Variants in NRF1 observed in about 807,000 individuals in gnomAD.
The protein encoded by NRF1 is nuclear respiratory factor 1, also known as alpha palindromic-binding protein.
NRF1 carries 5 observed loss-of-function variants against 58.5 expected under a neutral mutation model. The ratio of observed to expected loss-of-function variants is 0.09; its 90% CI spans 0.04 to 0.18. The LOEUF (loss-of-function observed/expected upper bound fraction) is 0.18, where lower values mean the gene tolerates loss of function less well. NRF1 is among the 10% of genes least tolerant of loss of function. The pLI is 1.00. For missense variants in NRF1, 288 were observed against 657.7 expected, an observed-to-expected ratio of 0.44 and a Z score of 6.15; for synonymous variants, 224 against 246.7, an observed-to-expected ratio of 0.91 and a Z score of 0.86.
chr7:129,619,117 C>T (rs1800715371), intron 1 of NRF1, among the ~76,000 whole-genome samples: 1 of 151,786 alleles, frequency 6.6e-6, no homozygotes, highest in Non-Finnish European at 1.5e-5. Context: ...GCATCTACAT[C>T]TGAGGGTCAA....
At chr7:129,625,052 T>G (rs1241441986) in intron 1 of NRF1, among the ~76,000 whole-genome samples, 3 of 152,148 alleles carry the variant, frequency 2.0e-5, no homozygotes, top group Non-Finnish European at 4.4e-5. Flanking sequence ...GAGTCTGGAA[T>G]CAAGGTGTTC....
At chr7:129,737,957 A>G (rs1204685149) in intron 10 of NRF1, among the ~76,000 whole-genome samples, 1 of 152,174 alleles carries the variant, frequency 6.6e-6, no homozygotes, top group African/African-American at 2.4e-5. Context: ...GTCCCAGGAT[A>G]CAAGCCTCTC....
intron 5 of NRF1, among the ~76,000 whole-genome samples, chr7:129,691,706 G>GT (rs1244968897): frequency 1.3e-5 from 2 of 151,920 alleles, no homozygotes; most frequent in African/African-American, 4.8e-5. Flanking sequence ...CACTTGTCAG[G>GT]TTTTTTTCCT....
chr7:129,743,116 C>A (rs992318136), intron 10 of NRF1, among the ~76,000 whole-genome samples: 1 of 151,850 alleles, frequency 6.6e-6, no homozygotes, highest in Non-Finnish European at 1.5e-5. Flanking sequence ...TTCTTTTTCA[C>A]CTTTTTGTAT....
chr7:129,723,113 T>C (rs914607827), intron 9 of NRF1, among the ~76,000 whole-genome samples: 3 of 152,218 alleles, frequency 2.0e-5, no homozygotes, highest in African/African-American at 7.2e-5. Flanking sequence ...TATATTTATG[T>C]ATCTTTTTCT....
chr7:129,726,630 G>C (rs1190463525), intron 9 of NRF1, among the ~76,000 whole-genome samples: 2 of 152,096 alleles, frequency 1.3e-5, no homozygotes, highest in African/African-American at 2.4e-5. Flanking sequence ...GCCCTGCCTG[G>C]ATATACAGTG....
chr7:129,652,493 T>A (rs543057336), intron 1 of NRF1, among the ~76,000 whole-genome samples: 2 of 152,338 alleles, frequency 1.3e-5, no homozygotes, highest in South Asian at 2.1e-4. Flanking sequence ...ATTTATTTTT[T>A]AAAATAATCA....
chr7:129,632,293 A>G (rs1293640333), intron 1 of NRF1, among the ~76,000 whole-genome samples: 1 of 152,096 alleles, frequency 6.6e-6, no homozygotes, highest in South Asian at 2.1e-4. Flanking sequence ...TTTTCTTATT[A>G]TAATAGATAC....
intron 1 of NRF1, among the ~76,000 whole-genome samples, chr7:129,639,909 A>T (rs879263492): frequency 4.6e-5 from 7 of 152,212 alleles, no homozygotes; most frequent in African/African-American, 9.7e-5. Context: ...ATGGGAATGG[A>T]TAGTTAGCTA....
At chr7:129,735,184 T>C (rs1803677537) in intron 10 of NRF1, 25 of 985,442 alleles carry the variant, frequency 2.5e-5, no homozygotes, top group Non-Finnish European at 2.8e-5. Context: ...GACTAGGGTC[T>C]CAACCCTCCC....
chr7:129,727,526 C>T (rs1371700937), intron 10 of NRF1, among the ~76,000 whole-genome samples, 161 bp downstream of exon 10: 1 of 152,060 alleles, frequency 6.6e-6, no homozygotes, highest in Non-Finnish European at 1.5e-5. Flanking sequence ...GCCTGTGATT[C>T]CTTTCACTAG....
intron 1 of NRF1, among the ~76,000 whole-genome samples, chr7:129,656,636 A>C (rs1452407865): frequency 2.6e-5 from 4 of 152,044 alleles, no homozygotes; most frequent in Non-Finnish European, 4.4e-5. Flanking sequence ...GTACAATGGC[A>C]CAACCTTGGC....
chr7:129,657,607 A>ATTTTTTTTT, intron 2 of NRF1, 33 bp downstream of exon 2: 4 of 1,000,246 alleles, frequency 4.0e-6, no homozygotes, highest in Non-Finnish European at 4.2e-6. Flanking sequence ...CTCTTCTTTA[A>ATTTTTTTTT]TTTTTTTTTT....
chr7:129,645,078 C>T (rs1224225284), intron 1 of NRF1, among the ~76,000 whole-genome samples: 1 of 151,872 alleles, frequency 6.6e-6, no homozygotes. Context: ...GTAACTGTCC[C>T]TTCAACATTT....
intron 5 of NRF1, among the ~76,000 whole-genome samples, chr7:129,693,121 T>G (rs1802608387): frequency 6.6e-6 from 1 of 152,234 alleles, no homozygotes; most frequent in African/African-American, 2.4e-5. Flanking sequence ...AAATAACATG[T>G]TATCTAAATA....
At chr7:129,684,459 ATAT>A (rs1802400639) in intron 4 of NRF1, among the ~76,000 whole-genome samples, 1 of 152,182 alleles carries the variant, frequency 6.6e-6, no homozygotes, top group African/African-American at 2.4e-5. Flanking sequence ...CTCAGAATAA[ATAT>A]TAACCGAAAA....
At position 129,733,827 on chromosome 7, in the gene NRF1, C is replaced by A. The variant is rs181507901; in HGVS notation, c.1348+6462C>A. Among the ~76,000 whole-genome samples, 376 of 152,098 alleles carry A rather than the reference C, an allele frequency of 2.5e-3. 2 individuals are homozygous for A. The highest frequency in any genetic ancestry group is 8.7e-3 in the African/African-American group (363 of 41,494). ...TTGCTTGAGCTCAGGAGTTCAAGAC[C>A]AGCCTGGGCAACATGGTGAAACCCT... On this transcript the variant is annotated intron_variant, in intron 10 of 10. Coordinates refer to ENST00000393232, the MANE Select transcript of NRF1 (RefSeq NM_005011.5).
At chr7:129,629,177 C>T (rs1800991689) in intron 1 of NRF1, among the ~76,000 whole-genome samples, 1 of 151,734 alleles carries the variant, frequency 6.6e-6, no homozygotes, top group Admixed American at 6.6e-5. Flanking sequence ...GTCTGAAGAA[C>T]AATATAGTTT....
At chr7:129,675,837 T>C (rs1039207425) in intron 3 of NRF1, among the ~76,000 whole-genome samples, 1 of 152,186 alleles carries the variant, frequency 6.6e-6, no homozygotes, top group Non-Finnish European at 1.5e-5. Flanking sequence ...CATTAGCCCC[T>C]AACAAGAGAG....
Sources: gnomAD v4.1 joint callset for allele counts (sites outside exome capture counted in the v4.1 genomes callset) on GRCh38, gnomAD v4.1.1 for gene constraint, MANE v1.5 for transcripts, NCBI Gene and HGNC (gene_info 2026-07-23, HGNC 2026-07-21) for gene names.